Variants in TUSC3 observed in about 807,000 individuals in gnomAD.
TUSC3 encodes tumor suppressor candidate 3.
Under a neutral mutation model 44.8 loss-of-function variants are expected in TUSC3, and 45 were observed. That is an observed-to-expected ratio of 1.00 (90% CI 0.79 to 1.29). The LOEUF is 1.29. Among genes scored for constraint, TUSC3 ranks in the 50% most tolerant of loss-of-function variants. The pLI is 0.00. For synonymous variants in TUSC3, 212 were observed against 152.9 expected, an observed-to-expected ratio of 1.39 and a Z score of -2.85; for missense variants, 519 against 437.9, an observed-to-expected ratio of 1.19 and a Z score of -1.65.
the TUSC3 span, among the ~76,000 whole-genome samples, chr8:15,820,510 G>C: frequency 6.6e-6 from 1 of 151,890 alleles, no homozygotes; most frequent in Non-Finnish European, 1.5e-5. Flanking sequence ...AGTAGAGATG[G>C]GGTTTCACCA....
chr8:15,600,797 A>G (rs376955330), intron 1 of TUSC3, among the ~76,000 whole-genome samples: 97 of 151,812 alleles, frequency 6.4e-4, no homozygotes, highest in African/African-American at 2.1e-3. Context: ...TTTTGTTAGC[A>G]TTATTGATCT....
Position 15,550,623 on chromosome 8 carries a change from A to T in TUSC3, c.138+10055A>T, listed in dbSNP as rs182950787. 7.9e-5 allele frequency among the ~76,000 whole-genome samples: 12 copies of T among 151,274 alleles called. 1 individual carries two copies. In the East Asian group the frequency reaches 2.4e-3, roughly 30 times the overall value. On this transcript the variant is annotated intron_variant, in intron 1 of 10. Coordinates refer to ENST00000503731, the MANE Select transcript of TUSC3 (RefSeq NM_006765.4). ...ACTTTCATACTGTTTCATTACTATC[A>T]TGATTCTTTCCTCTGTCTTTTTGTA...
At chr8:15,784,160 A>G in the TUSC3 span, among the ~76,000 whole-genome samples, 1 of 152,102 alleles carries the variant, frequency 6.6e-6, no homozygotes, top group African/African-American at 2.4e-5. Context: ...CCTCACAACC[A>G]TTAGATTGCC....
the TUSC3 span, among the ~76,000 whole-genome samples, chr8:15,785,288 T>A: frequency 7.6e-6 from 1 of 131,262 alleles, no homozygotes; most frequent in South Asian, 2.5e-4. Flanking sequence ...ATAAAAATCT[T>A]CTTCACTTTT....
At chr8:15,804,047 T>A in the TUSC3 span, among the ~76,000 whole-genome samples, 1 of 152,306 alleles carries the variant, frequency 6.6e-6, no homozygotes, top group Non-Finnish European at 1.5e-5. Context: ...TGATTTATAA[T>A]CCTTTGGGTA....
At chr8:15,604,568 C>T (rs1418697714) in intron 1 of TUSC3, among the ~76,000 whole-genome samples, 3 of 151,714 alleles carry the variant, frequency 2.0e-5, no homozygotes, top group Admixed American at 1.3e-4. Flanking sequence ...GATAGATTAT[C>T]AGTTGCAAAG....
intron 1 of TUSC3, among the ~76,000 whole-genome samples, chr8:15,569,500 G>T (rs985965227): frequency 2.6e-5 from 4 of 152,060 alleles, no homozygotes; most frequent in African/African-American, 9.7e-5. Context: ...CTGACATCTG[G>T]ATCTGGGCAA....
intron 6 of TUSC3, among the ~76,000 whole-genome samples, chr8:15,707,107 A>G (rs1809650078): frequency 6.6e-6 from 1 of 152,020 alleles, no homozygotes; most frequent in African/African-American, 2.4e-5. Context: ...AGTTTACTAA[A>G]AGTCTGTGAA....
intron 1 of TUSC3, among the ~76,000 whole-genome samples, chr8:15,620,053 C>A (rs1008958182): frequency 1.1e-4 from 16 of 152,102 alleles, no homozygotes; most frequent in Non-Finnish European, 2.2e-4. Flanking sequence ...CAGAGGGAGA[C>A]TGTGTCAGAA....
chr8:15,529,946 C>T (rs940755633), intron 2 of TUSC3, among the ~76,000 whole-genome samples: 1 of 37,198 alleles, frequency 2.7e-5, no homozygotes, highest in Non-Finnish European at 5.9e-5. Context: ...TACAGGCGCC[C>T]GGCTAATTTT....
chr8:15,448,414 CAGCCTAA>C (rs1800140815), intron 1 of TUSC3, among the ~76,000 whole-genome samples: 1 of 152,030 alleles, frequency 6.6e-6, no homozygotes, highest in Non-Finnish European at 1.5e-5. Context: ...CCACCATGCC[CAGCCTAA>C]AGTATAAATT....
chr8:15,732,118 C>A (rs996159341), intron 7 of TUSC3, among the ~76,000 whole-genome samples: 5 of 152,092 alleles, frequency 3.3e-5, no homozygotes, highest in Admixed American at 2.0e-4. Context: ...CTCTGTTTTC[C>A]CTTCTTTCTT....
chr8:15,740,688 GAACT>G (rs1174282651), intron 7 of TUSC3, among the ~76,000 whole-genome samples: 17 of 152,250 alleles, frequency 1.1e-4, no homozygotes, highest in South Asian at 6.2e-4. Context: ...AAGAAAACTT[GAACT>G]AACATTGCTC....
At chr8:15,550,765 G>A (rs1446508850) in intron 1 of TUSC3, among the ~76,000 whole-genome samples, 6 of 151,506 alleles carry the variant, frequency 4.0e-5, no homozygotes, top group South Asian at 2.1e-4. Flanking sequence ...TCTGCCTCCC[G>A]GGTTCAAGTG....
chr8:15,719,920 G>A (rs928715565), intron 6 of TUSC3, among the ~76,000 whole-genome samples: 4 of 151,956 alleles, frequency 2.6e-5, no homozygotes, highest in African/African-American at 7.2e-5. Context: ...TGCTATAAAG[G>A]TTTGTGTTTG....
intron 6 of TUSC3, among the ~76,000 whole-genome samples, chr8:15,728,038 T>G (rs1810570665): frequency 6.6e-6 from 1 of 152,202 alleles, no homozygotes; most frequent in Non-Finnish European, 1.5e-5. Flanking sequence ...TTTCATGAAA[T>G]AAGTCTCTAA....
chr8:15,477,504 C>A (rs945122764), intron 1 of TUSC3, among the ~76,000 whole-genome samples: 1 of 152,050 alleles, frequency 6.6e-6, no homozygotes, highest in Non-Finnish European at 1.5e-5. Flanking sequence ...AGGCAGATCA[C>A]GAGGTCAGGA....
chr8:15,625,554 T>C (rs1805464958), intron 2 of TUSC3, among the ~76,000 whole-genome samples: 1 of 152,204 alleles, frequency 6.6e-6, no homozygotes, highest in Non-Finnish European at 1.5e-5. Context: ...TCTTCTTGGC[T>C]GAACACATGT....
At chr8:15,565,112 G>T (rs928593974) in intron 1 of TUSC3, among the ~76,000 whole-genome samples, 1 of 151,746 alleles carries the variant, frequency 6.6e-6, no homozygotes, top group African/African-American at 2.4e-5. Context: ...GTCTCACTGG[G>T]CTAAAGTCAA....
Sources: allele counts gnomAD v4.1 joint callset (sites outside exome capture counted in the v4.1 genomes callset), GRCh38; gene constraint gnomAD v4.1.1; transcripts MANE v1.5; gene names NCBI Gene and HGNC (gene_info 2026-07-23, HGNC 2026-07-21).